Variants in NDUFA13 observed in about 807,000 individuals in gnomAD.
NDUFA13 encodes the protein NADH dehydrogenase [ubiquinone] 1 alpha subcomplex subunit 13.
NDUFA13 carries 16 observed loss-of-function variants against 17.0 expected under a neutral mutation model. The ratio of observed to expected loss-of-function variants is 0.94; its 90% CI spans 0.64 to 1.43. The LOEUF (loss-of-function observed/expected upper bound fraction) is 1.43. NDUFA13 is among the 40% of genes most tolerant of loss of function. The pLI, the probability that NDUFA13 is intolerant of heterozygous loss-of-function variation, is 0.00. For missense variants in NDUFA13, 228 were observed against 206.7 expected, an observed-to-expected ratio of 1.10 and a Z score of -0.63; for synonymous variants, 87 against 78.4, an observed-to-expected ratio of 1.11 and a Z score of -0.58.
intron 1 of NDUFA13, among the ~76,000 whole-genome samples, chr19:19,519,889 C>G (rs1193707782): frequency 6.6e-6 from 1 of 152,220 alleles, no homozygotes; most frequent in East Asian, 1.9e-4. Context: ...GCACCCACTC[C>G]CTTCTGTCTG....
In NDUFA13 at chr19:19,528,176, G is replaced by A. The variant is rs2061114898; in HGVS notation, c.*50G>A. 1 of 1,607,022 alleles carries A rather than the reference G, an allele frequency of 6.2e-7. No individual in the cohort carries two copies. Among genetic ancestry groups the A allele is most frequent in the Non-Finnish European group, 8.5e-7 (1 of 1,179,546 alleles). The stretch of plus-strand genomic sequence containing the variant: ...ATCCCTGCCCCTCCCCACTGGGACG[G>A]AATAAATGCTCTGCAGACCTGGCCT... On this transcript the variant is annotated 3_prime_UTR_variant, in exon 5 of 5. Transcript: ENST00000507754.
At chr19:19,526,158 G>T (rs369296794) in intron 1 of NDUFA13, 24 bp from the exon 2 acceptor site, 106 of 1,611,944 alleles carry the variant, frequency 6.6e-5, no homozygotes, top group Non-Finnish European at 8.6e-5. Flanking sequence ...GGGCTGGCCC[G>T]CTGAGCAGCG....
rs528740543 is a variant in NDUFA13, at chr19:19,518,728, G to A, written c.94+2396G>A. ...ACAGGTGGGCGCCACCATGCCCTGC[G>A]ATTTTTTTTTTTTTTTTTTTTTTTT... On this transcript the variant is annotated intron_variant, in intron 1 of 4. Coordinates refer to ENST00000507754, the MANE Select transcript of NDUFA13 (RefSeq NM_015965.7). 7.2e-5 allele frequency among the ~76,000 whole-genome samples: 6 copies of A among 83,378 alleles called. No homozygotes were observed. The South Asian group carries it at 2.2e-3, about 30-fold the overall frequency. The allele number at this position is 83,378 out of a possible 152,430, so 54.7% of individuals were successfully genotyped here.
chr19:19,523,716 T>A (rs1427736850), intron 1 of NDUFA13, among the ~76,000 whole-genome samples: 2 of 151,884 alleles, frequency 1.3e-5, no homozygotes, highest in African/African-American at 4.8e-5. Context: ...TTACCTGAGG[T>A]TGGGAGTTCC....
intron 4 of NDUFA13, 53 bp downstream of exon 4, chr19:19,527,823 G>A (rs1600351838): frequency 1.3e-6 from 2 of 1,532,134 alleles, no homozygotes; most frequent in Non-Finnish European, 1.8e-6. Flanking sequence ...GACAGGGCCT[G>A]GGGTTGGGGA....
At chr19:19,524,632 C>G (rs2061092430) in intron 1 of NDUFA13, among the ~76,000 whole-genome samples, 1 of 152,060 alleles carries the variant, frequency 6.6e-6, no homozygotes. Context: ...ATGGTGAAAC[C>G]CTGTCTCTAC....
rs1039740302 is a variant in NDUFA13, at chr19:19,526,332, G to A, written c.173+72G>A. Reference sequence around the variant, plus strand: ...TGTCGGGGTCCTGTAGCATTCCGCTGTTGTCTGTGCTGGCGAGGGGTGAAC... The same window carrying A: ...TGTCGGGGTCCTGTAGCATTCCGCTATTGTCTGTGCTGGCGAGGGGTGAAC... On this transcript the variant is annotated intron_variant, in intron 2 of 4. Transcript: ENST00000507754. 3 of 1,545,584 alleles carry A rather than the reference G, an allele frequency of 1.9e-6. No homozygotes were observed. In the African/African-American group the frequency reaches 4.1e-5, roughly 21 times the overall value.
intron 1 of NDUFA13, among the ~76,000 whole-genome samples, chr19:19,520,139 C>T (rs7250233): frequency 0.16 from 23,734 of 151,854 alleles, 1,958 homozygotes; most frequent in Middle Eastern, 0.28. Flanking sequence ...CCACTGCGCC[C>T]GGCTGGCTCA....
chr19:19,516,298 C>A lies in NDUFA13; in HGVS notation c.60C>A (p.Asp20Glu). 1.2e-6 allele frequency: 2 copies of A among 1,613,852 alleles called. No individual in the cohort carries two copies. Among genetic ancestry groups the A allele is most frequent in the Non-Finnish European group, 1.7e-6 (2 of 1,180,038 alleles). Reference protein sequence around the residue: ...MPPPGGYGPIDYKRNLPRRGL... With the variant: ...MPPPGGYGPIEYKRNLPRRGL... ...CGCCGGGGGGCTATGGGCCCATCGA[C>A]TACAAACGGAACTTGCCGCGTCGAG... is the stretch of plus-strand genomic sequence containing the variant. Residue 20 changes from aspartate (D) to glutamate (E), a missense_variant, in exon 1 of 5, where the codon GAC (aspartate) becomes GAA (glutamate). Coordinates refer to ENST00000507754, the MANE Select transcript of NDUFA13 (RefSeq NM_015965.7).
At chr19:19,522,172 G>A (rs561763389) in intron 1 of NDUFA13, among the ~76,000 whole-genome samples, 4 of 151,882 alleles carry the variant, frequency 2.6e-5, no homozygotes, top group African/African-American at 7.2e-5. Flanking sequence ...GGGCGCGGTG[G>A]CGGGCACCTG....
chr19:19,527,634 G>C (rs895348914), intron 3 of NDUFA13, 67 bp from the exon 4 acceptor site: 1 of 1,289,244 alleles, frequency 7.8e-7, no homozygotes, highest in Non-Finnish European at 1.1e-6. Context: ...GGTGCTACTA[G>C]GGGCCCTAGG....
chr19:19,517,507 C>T (rs990523268), intron 1 of NDUFA13, among the ~76,000 whole-genome samples: 1 of 152,002 alleles, frequency 6.6e-6, no homozygotes, highest in African/African-American at 2.4e-5. Flanking sequence ...CTACCGTGCT[C>T]GGCAGAATGC....
At chr19:19,517,727 A>G (rs912667628) in intron 1 of NDUFA13, among the ~76,000 whole-genome samples, 6 of 151,372 alleles carry the variant, frequency 4.0e-5, no homozygotes, top group African/African-American at 7.3e-5. Context: ...GGGTGCAGCT[A>G]TGTTGACCAG....
chr19:19,528,101 G>A lies in NDUFA13; in HGVS notation c.410G>A (p.Ser137Asn), dbSNP rs1313581022. 6.2e-7 allele frequency: 1 copy of A among 1,611,880 alleles called. No homozygotes were observed. Among genetic ancestry groups the A allele is most frequent in the South Asian group, 1.1e-5 (1 of 90,972 alleles). Residue 137 changes from serine to asparagine, a missense_variant, in exon 5 of 5, where the codon AGC becomes AAC. Ser to Asn is a conservative substitution (Grantham distance 46). Transcript: ENST00000507754. ...ACCACAGAGGAGGCTCTCCATGCCA[G>A]CCACGGCTTCATGTGGTACACGTAG... is the stretch of plus-strand genomic sequence containing the variant. ...LRTTEEALHA[S>N]HGFMWYT is the part of the protein sequence containing the mutation.
chr19:19,523,805 C>A (rs1423683852), intron 1 of NDUFA13, among the ~76,000 whole-genome samples: 1 of 152,166 alleles, frequency 6.6e-6, no homozygotes, highest in African/African-American at 2.4e-5. Context: ...TGGCGTGCAC[C>A]TGTAATTCCA....
At chr19:19,522,506 C>G (rs2061082641) in intron 1 of NDUFA13, among the ~76,000 whole-genome samples, 1 of 55,704 alleles carries the variant, frequency 1.8e-5, no homozygotes, top group African/African-American at 1.2e-4. Context: ...TGAGATGGAG[C>G]CTTGCTCTGT....
intron 3 of NDUFA13, 47 bp from the exon 4 acceptor site, chr19:19,527,654 C>G (rs1461830081): frequency 4.0e-6 from 6 of 1,495,852 alleles, no homozygotes; most frequent in Middle Eastern, 3.5e-4. Context: ...GCAGGGGCCC[C>G]TCAGGGCACT....
At chr19:19,526,107 G>C (rs1219318126) in intron 1 of NDUFA13, 75 bp from the exon 2 acceptor site, 1 of 1,581,812 alleles carries the variant, frequency 6.3e-7, no homozygotes, top group Non-Finnish European at 8.6e-7. Flanking sequence ...TGATTGCAGA[G>C]TGGGCAGCGC....
chr19:19,517,155 G>C (rs1289300009), intron 1 of NDUFA13, among the ~76,000 whole-genome samples: 2 of 152,088 alleles, frequency 1.3e-5, no homozygotes, highest in African/African-American at 4.8e-5. Context: ...AATTGAAAAA[G>C]AGAACTTAAA....
Sources: gnomAD v4.1 joint callset for allele counts (sites outside exome capture counted in the v4.1 genomes callset) on GRCh38, gnomAD v4.1.1 for gene constraint, MANE v1.5 for transcripts, NCBI Gene and HGNC (gene_info 2026-07-23, HGNC 2026-07-21) for gene names.